FGF13: variants seen among roughly 807,000 people sequenced by gnomAD.
FGF13 encodes fibroblast growth factor 13, also known as fibroblast growth factor homologous factor 2.
A neutral mutation model predicts 19.5 loss-of-function variants in FGF13; 2 were observed. The ratio of observed to expected loss-of-function variants is 0.10; its 90% CI spans 0.04 to 0.32. The LOEUF (loss-of-function observed/expected upper bound fraction) is 0.32. Ranked by LOEUF, FGF13 falls within the 10% of genes least tolerant of loss-of-function variation. The pLI, the probability that FGF13 is intolerant of heterozygous loss-of-function variation, is 1.00. For synonymous variants in FGF13, 72 were observed against 76.9 expected (o/e 0.94, Z 0.33); for missense variants, 113 against 192.7 (o/e 0.59, Z 2.45).
intron 1 of FGF13, among the ~76,000 whole-genome samples, chrX:139,147,985 G>A (rs145476764): frequency 0.03 from 3,325 of 111,104 alleles, 142 homozygotes; most frequent in African/African-American, 0.1. Context: ...ATGAATTTTG[G>A]TGGATGTATC....
intron 1 of FGF13, among the ~76,000 whole-genome samples, chrX:138,877,475 T>C (rs2091397520): frequency 8.9e-6 from 1 of 112,016 alleles, no homozygotes; most frequent in Non-Finnish European, 1.9e-5. Context: ...TAAATAGTTT[T>C]TAAGTGTACA....
intron 4 of FGF13, among the ~76,000 whole-genome samples, chrX:138,635,123 C>T (rs2089168075): frequency 1.8e-5 from 2 of 112,097 alleles, no homozygotes; most frequent in East Asian, 2.8e-4. Context: ...CGCCATTATT[C>T]GAAGTGAGGT....
At chrX:139,027,499 C>T (rs1328439389) in intron 1 of FGF13, among the ~76,000 whole-genome samples, 1 of 111,945 alleles carries the variant, frequency 8.9e-6, no homozygotes, top group African/African-American at 3.2e-5. Flanking sequence ...ATTCTCAAGC[C>T]ATTTGTCTCC....
intron 1 of FGF13, among the ~76,000 whole-genome samples, chrX:138,986,601 G>C (rs1347964427): frequency 8.9e-6 from 1 of 111,748 alleles, no homozygotes; most frequent in Non-Finnish European, 1.9e-5. Flanking sequence ...ATGTTGCCTA[G>C]GCTGAATTTG....
chrX:138,946,338 A>G (rs753287532), intron 1 of FGF13, among the ~76,000 whole-genome samples: 2 of 112,035 alleles, frequency 1.8e-5, no homozygotes, highest in East Asian at 5.6e-4. Flanking sequence ...CTGGATCTCA[A>G]TTGACATCCC....
At chrX:139,112,970 TAGTGTGTG>T (rs1432769093) in intron 1 of FGF13, among the ~76,000 whole-genome samples, 1 of 84,538 alleles carries the variant, frequency 1.2e-5, no homozygotes, top group African/African-American at 4.7e-5. Context: ...CTTGATTATG[TAGTGTGTG>T]TGTGTGTGTG....
chrX:138,838,398 C>T (rs1333151708), intron 3 of FGF13, among the ~76,000 whole-genome samples: 2 of 111,756 alleles, frequency 1.8e-5, no homozygotes, highest in African/African-American at 3.3e-5. Context: ...CTCCGTGTAG[C>T]TCTGTGTGTC....
rs191826271 is a variant in FGF13 at position 138,795,372 on chromosome X, G to A, written c.217+62140C>T. Among the ~76,000 whole-genome samples, 6 of 112,144 alleles carry A rather than the reference G, an allele frequency of 5.4e-5. 1 individual carries two copies. In the East Asian group the frequency reaches 1.4e-3, roughly 26 times the overall value. ...GTGCTAAAATACACAATTATTTTAG[G>A]ATACTTTGTACTATAAGTTATTCCT... On this transcript the variant is annotated intron_variant, in intron 3 of 6. Transcript: ENST00000436198.
At chrX:138,852,743 G>T (rs942174017), downstream of FGF13, among the ~76,000 whole-genome samples, 3 of 111,601 alleles carry the variant, frequency 2.7e-5, no homozygotes, top group South Asian at 3.7e-4. Flanking sequence ...CACAGCAAAA[G>T]AAACTATCAT....
At chrX:138,731,256 A>C (rs2090228473) in intron 1 of FGF13, among the ~76,000 whole-genome samples, 1 of 110,736 alleles carries the variant, frequency 9.0e-6, no homozygotes, top group South Asian at 3.7e-4. Context: ...AGCAAATAAC[A>C]CATTAATTCA....
chrX:139,085,028 C>T (rs1190831387), intron 1 of FGF13, among the ~76,000 whole-genome samples: 1 of 111,806 alleles, frequency 8.9e-6, no homozygotes, highest in Non-Finnish European at 1.9e-5. Context: ...ACAAGAACTA[C>T]ACTTACAGTT....
At chrX:138,698,973 T>C (rs1269733926) in intron 3 of FGF13, among the ~76,000 whole-genome samples, 2 of 111,781 alleles carry the variant, frequency 1.8e-5, no homozygotes, top group African/African-American at 6.5e-5. Flanking sequence ...GGGCTGGATT[T>C]GACCCACGGC....
chrX:138,677,261 G>A (rs1159106710), intron 3 of FGF13, among the ~76,000 whole-genome samples: 1 of 111,086 alleles, frequency 9.0e-6, no homozygotes, highest in East Asian at 2.8e-4. Flanking sequence ...CAGGACACAG[G>A]CATGGGCAAG....
intron 1 of FGF13, among the ~76,000 whole-genome samples, chrX:139,200,361 G>A (rs1038430114): frequency 5.3e-5 from 6 of 112,377 alleles, no homozygotes. Flanking sequence ...TATGCTGGCT[G>A]CATGACCACA....
intron 1 of FGF13, among the ~76,000 whole-genome samples, chrX:139,068,330 G>A (rs2092364145): frequency 9.7e-6 from 1 of 102,888 alleles, no homozygotes; most frequent in Non-Finnish European, 1.9e-5. Context: ...GCTCTGTTCT[G>A]TTCCATGGAT....
chrX:138,884,650 T>A (rs2091443118), intron 1 of FGF13, among the ~76,000 whole-genome samples: 1 of 112,047 alleles, frequency 8.9e-6, no homozygotes, highest in African/African-American at 3.2e-5. Context: ...TTGAGAAATA[T>A]CATCAATTAA....
chrX:139,116,150 T>G (rs1234979593), intron 1 of FGF13, among the ~76,000 whole-genome samples: 2 of 112,348 alleles, frequency 1.8e-5, no homozygotes, highest in African/African-American at 6.5e-5. Context: ...ACCTATGTCT[T>G]GATTTCAATA....
In FGF13 at chrX:139,063,118, A is replaced by G. The variant is rs192605833; in HGVS notation, c.-113+140298T>C. Among the ~76,000 whole-genome samples, 4 of 112,117 alleles carry G rather than the reference A, an allele frequency of 3.6e-5. No individual in the cohort carries two copies. In the Admixed American group the frequency reaches 3.8e-4, roughly 11 times the overall value. On this transcript the variant is annotated intron_variant, in intron 1 of 2. Coordinates refer to the FGF13 transcript ENST00000421460. ...GGAGGTAACAAATCTTGCAGAAACA[A>G]CTTAAAACCTGAAAGAAAGTCAGAA...
At chrX:139,064,282 T>TC (rs2092346917) in intron 1 of FGF13, among the ~76,000 whole-genome samples, 1 of 3,440 alleles carries the variant, frequency 2.9e-4, no homozygotes, top group Admixed American at 5.6e-3. Flanking sequence ...TTTTTTTTTC[T>TC]TTTTTTTTTT....
Sources: gnomAD v4.1 joint callset for allele counts (sites outside exome capture counted in the v4.1 genomes callset) on GRCh38, gnomAD v4.1.1 for gene constraint, MANE v1.5 for transcripts, NCBI Gene and HGNC (gene_info 2026-07-23, HGNC 2026-07-21) for gene names.